NCOA2: variants seen among roughly 807,000 people sequenced by gnomAD.
NCOA2 encodes the protein nuclear receptor coactivator 2.
A neutral mutation model predicts 145.1 loss-of-function variants in NCOA2; 21 were observed. The ratio of observed to expected loss-of-function variants is 0.14; its 90% CI spans 0.10 to 0.21. NCOA2 has a LOEUF of 0.21. Among genes scored for constraint, NCOA2 ranks in the 10% least tolerant of loss-of-function variants. The pLI, the probability that NCOA2 is intolerant of heterozygous loss-of-function variation, is 1.00. For missense variants in NCOA2, 1,472 were observed against 1,837.6 expected, an observed-to-expected ratio of 0.80 and a Z score of 3.64; for synonymous variants, 619 against 637.5, an observed-to-expected ratio of 0.97 and a Z score of 0.44.
chr8:70,294,170 C>T (rs1451305809), intron 2 of NCOA2, among the ~76,000 whole-genome samples: 5 of 152,052 alleles, frequency 3.3e-5, no homozygotes, highest in African/African-American at 1.2e-4. Flanking sequence ...TGATATACTG[C>T]AAGGCTATAT....
the NCOA2 span, among the ~76,000 whole-genome samples, chr8:70,423,402 G>T: frequency 2.6e-5 from 4 of 152,108 alleles, no homozygotes; most frequent in African/African-American, 7.2e-5. Context: ...AGGCTGGTCT[G>T]GAACTCCTGA....
chr8:70,352,356 T>C (rs1365542743), intron 1 of NCOA2, among the ~76,000 whole-genome samples: 1 of 152,164 alleles, frequency 6.6e-6, no homozygotes, highest in African/African-American at 2.4e-5. Flanking sequence ...AACGCAGTTC[T>C]TTCTGACTCT....
intron 9 of NCOA2, among the ~76,000 whole-genome samples, chr8:70,162,112 G>A (rs1018682760): frequency 6.6e-6 from 1 of 151,430 alleles, no homozygotes; most frequent in Admixed American, 6.6e-5. Flanking sequence ...CAGGCTTGCT[G>A]TGAGGGCCAG....
At chr8:70,184,830 T>C (rs1310470528) in intron 4 of NCOA2, among the ~76,000 whole-genome samples, 1 of 152,178 alleles carries the variant, frequency 6.6e-6, no homozygotes, top group Non-Finnish European at 1.5e-5. Flanking sequence ...TTCACCTTAA[T>C]GGTGGCTATC....
chr8:70,131,576 G>A (rs921343165), intron 16 of NCOA2, among the ~76,000 whole-genome samples: 1 of 152,156 alleles, frequency 6.6e-6, no homozygotes, highest in African/African-American at 2.4e-5. Context: ...GACACCAGGT[G>A]AAATGGACTT....
At chr8:70,165,986 G>A (rs1257324196) in intron 7 of NCOA2, among the ~76,000 whole-genome samples, 1 of 152,030 alleles carries the variant, frequency 6.6e-6, no homozygotes, top group Non-Finnish European at 1.5e-5. Flanking sequence ...ACCACGCCCG[G>A]CTACTTTTTG....
chr8:70,389,750 C>A (rs904162333), intron 1 of NCOA2, among the ~76,000 whole-genome samples: 3 of 152,028 alleles, frequency 2.0e-5, no homozygotes, highest in African/African-American at 7.2e-5. Context: ...CTCACTGCAA[C>A]CTCTGCCTCC....
chr8:70,424,984 C>T, the NCOA2 span, among the ~76,000 whole-genome samples: 1 of 152,206 alleles, frequency 6.6e-6, no homozygotes, highest in Non-Finnish European at 1.5e-5. Context: ...GGGCCACTCA[C>T]TCCACTAGGA....
intron 4 of NCOA2, among the ~76,000 whole-genome samples, chr8:70,197,231 A>G (rs1202542143): frequency 2.0e-5 from 3 of 151,956 alleles, no homozygotes; most frequent in Admixed American, 1.3e-4. Flanking sequence ...TTTACTTCCT[A>G]CCTTCTCTTA....
chr8:70,435,294 G>A, the NCOA2 span, among the ~76,000 whole-genome samples: 2 of 149,748 alleles, frequency 1.3e-5, no homozygotes, highest in Non-Finnish European at 3.0e-5. Context: ...GCGTGGTGGT[G>A]GGCGCCTGTA....
At chr8:70,274,873 CT>C (rs1825354890) in intron 2 of NCOA2, among the ~76,000 whole-genome samples, 4 of 152,164 alleles carry the variant, frequency 2.6e-5, no homozygotes, top group African/African-American at 9.7e-5. Context: ...ACTGAAGATG[CT>C]CGCTCACTCC....
chr8:70,138,264 T>C lies in NCOA2; in HGVS notation c.3097A>G (p.Thr1033Ala). 1.2e-6 allele frequency: 2 copies of C among 1,613,706 alleles called. No individual in the cohort carries two copies. Among genetic ancestry groups the C allele is most frequent in the South Asian group, 2.2e-5 (2 of 91,012 alleles). Residue 1033 changes from threonine to alanine, a missense_variant, in exon 15 of 23, where the codon ACT becomes GCT. Thr to Ala is a moderately conservative substitution (Grantham distance 58). Around this residue, in one of 4 missense-constraint regions of NCOA2, gnomAD observed 953 missense variants for 1,062.1 expected, o/e 0.90. Coordinates refer to ENST00000452400, the MANE Select transcript of NCOA2 (RefSeq NM_006540.4). ...YSQQQAPPNQ[T>A]APWPESILPI... ...AGGATGCTTTCAGGCCATGGGGCAG[T>C]CTGATTTGGAGGAGCTTGTTGTTGG...
Position 70,261,290 on chromosome 8 carries a change from T to C in NCOA2, c.-20+35454A>G, listed in dbSNP as rs1397143174. Reference sequence around the variant, plus strand: ...TGCAGCCATAAAAATGATGAGTTCATGTCCTTTGTAGGGACATGGATGAAA... The same window carrying C: ...TGCAGCCATAAAAATGATGAGTTCACGTCCTTTGTAGGGACATGGATGAAA... On this transcript the variant is annotated intron_variant, in intron 2 of 22. Coordinates refer to ENST00000452400, the MANE Select transcript of NCOA2 (RefSeq NM_006540.4). Among the ~76,000 whole-genome samples the C allele has an allele frequency of 4.6e-5, 7 of 152,214 alleles. No homozygotes were observed. The East Asian group carries it at 1.3e-3, about 29-fold the overall frequency.
At chr8:70,167,902 T>C (rs76774089) in intron 6 of NCOA2, among the ~76,000 whole-genome samples, 12,688 of 152,274 alleles carry the variant, frequency 0.083, 611 homozygotes, top group East Asian at 0.13. Flanking sequence ...AAATCTGATG[T>C]CCAAAGACAT....
chr8:70,447,309 G>A, the NCOA2 span, among the ~76,000 whole-genome samples: 19 of 152,272 alleles, frequency 1.2e-4, no homozygotes, highest in South Asian at 3.9e-3. Flanking sequence ...CTGGATTGGG[G>A]CGAAAAAGCA....
intron 4 of NCOA2, among the ~76,000 whole-genome samples, chr8:70,190,216 AAGAAC>A (rs1345776811): frequency 6.6e-6 from 1 of 152,236 alleles, no homozygotes; most frequent in Non-Finnish European, 1.5e-5. Flanking sequence ...AATTCAGGCT[AAGAAC>A]ATACCCTGCA....
In NCOA2 at chr8:70,157,215, G is replaced by T. The variant is rs1356999572; in HGVS notation, c.1150C>A (p.Pro384Thr). The T allele has an allele frequency of 6.4e-7, 1 of 1,566,978 alleles. No individual in the cohort carries two copies. The highest frequency in any genetic ancestry group is 1.4e-5 in the African/African-American group (1 of 73,684). ...HREQNVCVMN[P>T]DLTGQTMGKP... is the part of the protein sequence containing the mutation. ...CCCATCGTTTGTCCAGTCAGATCCGGATTCATCACACACACATTCTGCTCT... is the reference window on the plus strand; with the variant it reads ...CCCATCGTTTGTCCAGTCAGATCCGTATTCATCACACACACATTCTGCTCT... Residue 384 changes from proline (P) to threonine (T), a missense_variant, in exon 11 of 23, where the codon CCG (proline) becomes ACG (threonine). By Grantham distance (38) the Pro-to-Thr change is conservative. Transcript: ENST00000452400.
At chr8:70,432,832 G>A in the NCOA2 span, among the ~76,000 whole-genome samples, 1,100 of 151,910 alleles carry the variant, frequency 7.2e-3, 13 homozygotes, top group African/African-American at 0.025. Flanking sequence ...TTTAGATATA[G>A]CAAAGTTAAA....
At chr8:70,330,432 A>G (rs1452485915) in intron 1 of NCOA2, among the ~76,000 whole-genome samples, 1 of 151,986 alleles carries the variant, frequency 6.6e-6, no homozygotes, top group Non-Finnish European at 1.5e-5. Flanking sequence ...TAAGCCGGGC[A>G]TGGTGGCACA....
Sources: gnomAD v4.1 joint callset for allele counts (sites outside exome capture counted in the v4.1 genomes callset) on GRCh38, gnomAD v4.1.1 for gene constraint, gnomAD v4.1.1 regional missense constraint, MANE v1.5 for transcripts, NCBI Gene and HGNC (gene_info 2026-07-23, HGNC 2026-07-21) for gene names.